The following WAC variants were observed in gnomAD, a reference collection of about 807,000 sequenced individuals.
WAC encodes WW domain-containing adapter protein with coiled-coil.
A neutral mutation model predicts 79.6 loss-of-function variants in WAC; 11 were observed. That is an observed-to-expected ratio of 0.14 (90% CI 0.09 to 0.23). The LOEUF is 0.23. Among genes scored for constraint, WAC ranks in the 10% least tolerant of loss-of-function variants. The pLI, the probability that WAC is intolerant of heterozygous loss-of-function variation, is 1.00. For synonymous variants in WAC, 304 were observed against 276.9 expected, an observed-to-expected ratio of 1.10 and a Z score of -0.97; for missense variants, 728 against 773.5, an observed-to-expected ratio of 0.94 and a Z score of 0.70.
At chr10:28,537,127 A>G (rs1836723116) in intron 3 of WAC, among the ~76,000 whole-genome samples, 1 of 152,240 alleles carries the variant, frequency 6.6e-6, no homozygotes, top group Admixed American at 6.5e-5. Context: ...TTGGATGAGA[A>G]GAAAGTAGTT....
At chr10:28,565,246 G>T (rs1201046464) in intron 3 of WAC, among the ~76,000 whole-genome samples, 1 of 152,220 alleles carries the variant, frequency 6.6e-6, no homozygotes, top group Non-Finnish European at 1.5e-5. Flanking sequence ...GGTTAAGGCT[G>T]TTAGCAGTAC....
chr10:28,574,920 T>C (rs1275830428), intron 3 of WAC, among the ~76,000 whole-genome samples: 6 of 152,216 alleles, frequency 3.9e-5, no homozygotes, highest in Non-Finnish European at 8.8e-5. Context: ...CCAGTACATT[T>C]TAGGTACACA....
intron 7 of WAC, among the ~76,000 whole-genome samples, chr10:28,602,653 G>A (rs1397401816): frequency 1.3e-5 from 2 of 152,162 alleles, no homozygotes; most frequent in Non-Finnish European, 2.9e-5. Context: ...TAGATCTTCT[G>A]TATATTGAAA....
In WAC at chr10:28,533,440, G is replaced by T; in HGVS notation, c.-140G>T. On this transcript the variant is annotated 5_prime_UTR_variant, in exon 1 of 14. Transcript: ENST00000354911. Reference sequence around the variant, plus strand: ...GGAGCGCCGGCGCCAGTAACTGGGAGCTGATGAGAGTCGCCGAGGGCGCGC... The same window carrying T: ...GGAGCGCCGGCGCCAGTAACTGGGATCTGATGAGAGTCGCCGAGGGCGCGC... The T allele has an allele frequency of 4.1e-6, 1 of 245,150 alleles. No individual in the cohort carries two copies. Among genetic ancestry groups the T allele is most frequent in the Non-Finnish European group, 6.6e-6 (1 of 150,962 alleles). 15.2% of individuals were successfully genotyped at this position (245,150 alleles called of 1,614,324 possible). A position where few individuals can be genotyped will look rare whatever the true frequency, so the allele number is the denominator to read the frequency against.
intron 3 of WAC, among the ~76,000 whole-genome samples, chr10:28,548,056 G>T (rs1837459921): frequency 6.6e-6 from 1 of 151,706 alleles, no homozygotes; most frequent in Non-Finnish European, 1.5e-5. Context: ...GAGTAGCTGG[G>T]ATTACAGGTG....
intron 3 of WAC, among the ~76,000 whole-genome samples, chr10:28,544,342 A>G (rs1169601820): frequency 6.6e-6 from 1 of 152,186 alleles, no homozygotes; most frequent in Non-Finnish European, 1.5e-5. Context: ...TACCTACTTT[A>G]TATTTCTAGC....
intron 3 of WAC, among the ~76,000 whole-genome samples, chr10:28,569,984 C>G (rs2132541399): frequency 6.6e-6 from 1 of 152,292 alleles, no homozygotes; most frequent in African/African-American, 2.4e-5. Context: ...CTGGTTGTCT[C>G]AGCATAAAAG....
intron 2 of WAC, 30 bp downstream of exon 2, chr10:28,534,064 G>A: frequency 6.4e-7 from 1 of 1,562,626 alleles, no homozygotes; most frequent in Non-Finnish European, 8.6e-7. Flanking sequence ...TGGAGGGATT[G>A]GAAGGGGCCG....
chr10:28,574,905 T>TAGTGCCAGTAC (rs1433899322), intron 3 of WAC, among the ~76,000 whole-genome samples: 3 of 152,210 alleles, frequency 2.0e-5, no homozygotes, highest in Admixed American at 1.3e-4. Flanking sequence ...TTTGCCAGTA[T>TAGTGCCAGTAC]AGTGCCAGTA....
chr10:28,603,917 G>A (rs1380622852), intron 7 of WAC, among the ~76,000 whole-genome samples: 2 of 117,836 alleles, frequency 1.7e-5, no homozygotes, highest in East Asian at 2.6e-4. Context: ...CTGGGTGACA[G>A]AGCAAGACTC....
chr10:28,551,688 G>A (rs1470732739), intron 3 of WAC, among the ~76,000 whole-genome samples: 1 of 152,054 alleles, frequency 6.6e-6, no homozygotes, highest in African/African-American at 2.4e-5. Flanking sequence ...ATATTGGAGC[G>A]AATGCTGTAG....
chr10:28,550,442 C>T lies in WAC; in HGVS notation c.274+14685C>T, dbSNP rs1363792334. ...TTATTTTATGAAGCCTTCCTTGAGCCTATCTTTATTATAGCTCTTTTGTAG... is the reference window on the plus strand; with the variant it reads ...TTATTTTATGAAGCCTTCCTTGAGCTTATCTTTATTATAGCTCTTTTGTAG... On this transcript the variant is annotated intron_variant, in intron 3 of 13. Coordinates refer to ENST00000354911, the MANE Select transcript of WAC (RefSeq NM_016628.5). 2.6e-5 allele frequency among the ~76,000 whole-genome samples: 4 copies of T among 151,930 alleles called. No individual in the cohort carries two copies. The East Asian group carries it at 7.7e-4, about 29-fold the overall frequency.
At chr10:28,574,586 G>T (rs186116597) in intron 3 of WAC, among the ~76,000 whole-genome samples, 41 of 151,838 alleles carry the variant, frequency 2.7e-4, no homozygotes, top group African/African-American at 9.7e-4. Context: ...GGGACTACAG[G>T]CACACAGCAC....
At chr10:28,604,012 C>G (rs759508580) in intron 7 of WAC, among the ~76,000 whole-genome samples, 14 of 126,168 alleles carry the variant, frequency 1.1e-4, no homozygotes, top group Admixed American at 2.4e-4. Flanking sequence ...TATTTCTATA[C>G]TAAAAGTACA....
chr10:28,571,238 T>C (rs753587216), intron 3 of WAC, among the ~76,000 whole-genome samples: 1 of 152,146 alleles, frequency 6.6e-6, no homozygotes, highest in South Asian at 2.1e-4. Context: ...CCCTTAAATA[T>C]ATACTTTTCA....
intron 3 of WAC, among the ~76,000 whole-genome samples, chr10:28,542,978 C>T (rs773365000): frequency 2.6e-5 from 4 of 152,130 alleles, no homozygotes; most frequent in Non-Finnish European, 5.9e-5. Flanking sequence ...ATTCCTGTTA[C>T]CTTGAATAGT....
chr10:28,536,903 TA>T (rs1377580978), intron 3 of WAC, among the ~76,000 whole-genome samples: 4 of 152,238 alleles, frequency 2.6e-5, no homozygotes, highest in Non-Finnish European at 5.9e-5. Context: ...GGAAACTCAG[TA>T]AAGTACCATG....
intron 7 of WAC, among the ~76,000 whole-genome samples, chr10:28,602,563 G>T (rs144139969): frequency 6.5e-4 from 99 of 152,216 alleles, no homozygotes; most frequent in African/African-American, 2.3e-3. Flanking sequence ...GTGTCCCCAT[G>T]TCCTGCTCAG....
chr10:28,595,858 G>A lies in WAC; in HGVS notation c.736G>A (p.Val246Ile). Residue 246 changes from valine (V) to isoleucine (I), a missense_variant, in exon 7 of 14, where the codon GTA becomes ATA. Val to Ile is a conservative substitution (Grantham distance 29, BLOSUM62 3). Transcript: ENST00000354911. The stretch of plus-strand genomic sequence containing the variant: ...AGAGACTCACAGTAGTTCTACGCCA[G>A]TACAGCACCCCATCAAACCAGTGGT... ...RAETHSSSTP[V>I]QHPIKPVVHP... 6.2e-7 allele frequency: 1 copy of A among 1,614,142 alleles called. No homozygotes were observed. The highest frequency in any genetic ancestry group is 1.1e-5 in the South Asian group (1 of 91,088).
Sources: gnomAD v4.1 joint callset for allele counts (sites outside exome capture counted in the v4.1 genomes callset) on GRCh38, gnomAD v4.1.1 for gene constraint, MANE v1.5 for transcripts, NCBI Gene and HGNC (gene_info 2026-07-23, HGNC 2026-07-21) for gene names.